Variants in ASIC2 observed in about 807,000 individuals in gnomAD.
ASIC2 encodes acid-sensing ion channel 2.
ASIC2 carries 25 observed loss-of-function variants against 57.3 expected under a neutral mutation model. The ratio of observed to expected loss-of-function variants is 0.44; its 90% CI spans 0.32 to 0.61. The LOEUF (loss-of-function observed/expected upper bound fraction) is 0.61. ASIC2 is among the 20% of genes least tolerant of loss of function. ASIC2 has a pLI of 0.06. For missense variants in ASIC2, 641 were observed against 738.1 expected, an observed-to-expected ratio of 0.87 and a Z score of 1.52; for synonymous variants, 319 against 307.5, an observed-to-expected ratio of 1.04 and a Z score of -0.39.
At chr17:34,100,219 T>C (rs989226634) in intron 1 of ASIC2, among the ~76,000 whole-genome samples, 2 of 150,140 alleles carry the variant, frequency 1.3e-5, no homozygotes, top group East Asian at 3.9e-4. Flanking sequence ...TGGTGATTCA[T>C]AGGCACTATA....
chr17:33,826,356 G>A (rs1912910867), intron 1 of ASIC2, among the ~76,000 whole-genome samples: 1 of 152,136 alleles, frequency 6.6e-6, no homozygotes, highest in South Asian at 2.1e-4. Flanking sequence ...CCTTTTTGGG[G>A]GAGTGAGGCA....
intron 1 of ASIC2, among the ~76,000 whole-genome samples, chr17:33,137,269 T>C (rs1567758660): frequency 6.6e-6 from 1 of 152,236 alleles, no homozygotes; most frequent in Non-Finnish European, 1.5e-5. Context: ...TAGCTAGGGT[T>C]AAAGATGTTT....
intron 1 of ASIC2, among the ~76,000 whole-genome samples, chr17:33,281,341 T>C (rs1368307270): frequency 6.6e-6 from 1 of 152,188 alleles, no homozygotes; most frequent in Non-Finnish European, 1.5e-5. Flanking sequence ...CTTGGAAGAA[T>C]TGAGGGGAAT....
chr17:33,875,555 C>A (rs1249583461), intron 1 of ASIC2, among the ~76,000 whole-genome samples: 3 of 152,192 alleles, frequency 2.0e-5, no homozygotes, highest in African/African-American at 7.2e-5. Flanking sequence ...TACTTAACAG[C>A]CACTCAGTCC....
At chr17:33,374,454 C>T (rs1427565847) in intron 1 of ASIC2, among the ~76,000 whole-genome samples, 1 of 152,144 alleles carries the variant, frequency 6.6e-6, no homozygotes, top group Non-Finnish European at 1.5e-5. Flanking sequence ...CCACAACCAA[C>T]CAGCAGCACC....
chr17:33,149,138 T>C (rs1244732929), intron 1 of ASIC2, among the ~76,000 whole-genome samples: 1 of 152,050 alleles, frequency 6.6e-6, no homozygotes, highest in Non-Finnish European at 1.5e-5. Flanking sequence ...AAAAACAAAC[T>C]TGACATATAT....
intron 1 of ASIC2, among the ~76,000 whole-genome samples, chr17:34,021,125 C>A (rs933744139): frequency 2.0e-4 from 31 of 152,058 alleles, no homozygotes; most frequent in African/African-American, 7.2e-4. Context: ...TAAAAGACTA[C>A]ACATTGGGTA....
intron 1 of ASIC2, among the ~76,000 whole-genome samples, chr17:34,136,066 C>A (rs549735646): frequency 1.3e-5 from 2 of 152,178 alleles, no homozygotes; most frequent in South Asian, 2.1e-4. Flanking sequence ...GTCAGACAAA[C>A]CTAGTTATAC....
intron 1 of ASIC2, among the ~76,000 whole-genome samples, chr17:33,903,656 G>A (rs1024051512): frequency 2.0e-4 from 30 of 152,218 alleles, no homozygotes; most frequent in Non-Finnish European, 2.9e-5. Context: ...GTGGGTGCAA[G>A]TTTGAGTAGA....
At chr17:33,961,306 C>A (rs925482007) in intron 1 of ASIC2, among the ~76,000 whole-genome samples, 1 of 152,184 alleles carries the variant, frequency 6.6e-6, no homozygotes, top group Non-Finnish European at 1.5e-5. Flanking sequence ...TTATGTAGGA[C>A]AAAGCCTCAG....
At chr17:33,959,935 G>A (rs1183630150) in intron 1 of ASIC2, among the ~76,000 whole-genome samples, 1 of 152,196 alleles carries the variant, frequency 6.6e-6, no homozygotes, top group Non-Finnish European at 1.5e-5. Flanking sequence ...TAGTGATAGA[G>A]CCCAATGTCT....
At chr17:33,202,178 A>AT (rs1187498804) in intron 1 of ASIC2, among the ~76,000 whole-genome samples, 2 of 152,162 alleles carry the variant, frequency 1.3e-5, no homozygotes, top group African/African-American at 2.4e-5. Flanking sequence ...GCCTGCCTGC[A>AT]TCAGAACCAG....
chr17:33,577,659 G>T lies in ASIC2; in HGVS notation c.556-465592C>A, dbSNP rs1375124305. Among the ~76,000 whole-genome samples, 9 of 152,178 alleles carry T rather than the reference G, an allele frequency of 5.9e-5. No homozygotes were observed. In the East Asian group the frequency reaches 1.5e-3, roughly 26 times the overall value. On this transcript the variant is annotated intron_variant, in intron 1 of 9. Coordinates refer to the ASIC2 transcript ENST00000359872. ...GCAAATGAACAACAGTGGAAAAGCA[G>T]TTCCCCTAGCACCTATTTTTACCAG...
At position 33,877,635 on chromosome 17, in the gene ASIC2, T is replaced by A. The variant is rs425775; in HGVS notation, c.555+278343A>T. Among the ~76,000 whole-genome samples the A allele has an allele frequency of 2.0e-5, 3 of 152,156 alleles. No individual in the cohort carries two copies. The South Asian group carries it at 6.2e-4, about 31-fold the overall frequency. ...GAAGCTCGAACTGGGTGGAGCCCAC[T>A]GCAGCTCAAGGAGGCCTGCCTGCCT... On this transcript the variant is annotated intron_variant, in intron 1 of 9. Transcript: ENST00000359872.
intron 1 of ASIC2, among the ~76,000 whole-genome samples, chr17:33,903,872 A>G (rs767853180): frequency 5.3e-5 from 8 of 152,190 alleles, no homozygotes; most frequent in Non-Finnish European, 1.2e-4. Flanking sequence ...GGCTTAAAGA[A>G]TTATAGCTGG....
At chr17:33,981,709 T>G (rs9898980) in intron 1 of ASIC2, among the ~76,000 whole-genome samples, 33,210 of 151,656 alleles carry the variant, frequency 0.22, 3,922 homozygotes, top group African/African-American at 0.27. Flanking sequence ...GGGGGGAAGA[T>G]TAGCTAACAT....
chr17:33,088,005 G>A (rs997955344), intron 3 of ASIC2, among the ~76,000 whole-genome samples: 19 of 152,154 alleles, frequency 1.2e-4, no homozygotes, highest in Non-Finnish European at 2.4e-4. Context: ...TTGCTCCTCC[G>A]TCATGGTTCT....
At chr17:33,755,611 T>G (rs1186668697) in intron 1 of ASIC2, among the ~76,000 whole-genome samples, 3 of 152,266 alleles carry the variant, frequency 2.0e-5, no homozygotes, top group South Asian at 4.2e-4. Flanking sequence ...CTTCATTGGG[T>G]AACAAAATCT....
chr17:33,230,640 T>C (rs1355951858), intron 1 of ASIC2, among the ~76,000 whole-genome samples: 1 of 152,042 alleles, frequency 6.6e-6, no homozygotes, highest in Non-Finnish European at 1.5e-5. Flanking sequence ...TAATCATGAC[T>C]GTATGTACCA....
Sources: gnomAD v4.1 joint callset for allele counts (sites outside exome capture counted in the v4.1 genomes callset) on GRCh38, gnomAD v4.1.1 for gene constraint, MANE v1.5 for transcripts, NCBI Gene and HGNC (gene_info 2026-07-23, HGNC 2026-07-21) for gene names.